IDH1: variants seen among roughly 807,000 people sequenced by gnomAD.
IDH1 encodes isocitrate dehydrogenase (NADP(+)) 1, also known as isocitrate dehydrogenase [NADP] cytoplasmic.
IDH1 carries 33 observed loss-of-function variants against 46.1 expected under a neutral mutation model. That is an observed-to-expected ratio of 0.72 (90% CI 0.54 to 0.96). IDH1 has a LOEUF of 0.96. Ranked by LOEUF, IDH1 falls within the 40% of genes least tolerant of loss-of-function variation. The pLI is 0.00. For missense variants in IDH1, 421 were observed against 515.7 expected (o/e 0.82, Z 1.78); for synonymous variants, 144 against 172.8 (o/e 0.83, Z 1.31).
At chr2:208,240,326 G>A (rs1226313447) in intron 7 of IDH1, 1 of 330,162 alleles carries the variant, frequency 3.0e-6, no homozygotes, top group African/African-American at 2.1e-5. Flanking sequence ...TTTCTTATCT[G>A]TAAAATGGGA....
chr2:208,248,170 C>T, intron 4 of IDH1, 199 bp downstream of exon 4: 1 of 594,194 alleles, frequency 1.7e-6, no homozygotes, highest in Non-Finnish European at 3.0e-6. Flanking sequence ...AGATGGACGC[C>T]TATTTGTAAG....
intron 5 of IDH1, 24 bp downstream of exon 5, chr2:208,245,295 A>G: frequency 8.8e-7 from 1 of 1,133,498 alleles, no homozygotes. Flanking sequence ...AAAAAAAAGA[A>G]GCTTATGCTA....
Position 208,242,091 on chromosome 2 carries a change from G to A in IDH1, c.753C>T (p.Ile251=), listed in dbSNP as rs139287550. ...AQKIWYEHRL[I]DDMVAQAMKS... ...TCATAGCTTGGGCCACCATGTCGTC[G>A]ATGAGCCTATGCTCATACCAGATCT... The change falls in exon 7 of 10, where the codon ATC becomes ATT. Residue 251 remains isoleucine (I), a synonymous_variant. Coordinates refer to ENST00000345146, the MANE Select transcript of IDH1 (RefSeq NM_005896.4). 9.3e-5 allele frequency: 150 copies of A among 1,613,682 alleles called. No homozygotes were observed. The highest frequency in any genetic ancestry group is 5.7e-4 in the Admixed American group (34 of 60,012).
rs1688060309 is a variant in IDH1, at chr2:208,248,353, T to C, written c.414+16A>G. On this transcript the variant is annotated intron_variant, in intron 4 of 9. Transcript: ENST00000345146. ...AAAAAAACATGCAAAATCACATTAT[T>C]GCCAACATGACTTACTTGATCCCCA... 6.2e-7 allele frequency: 1 copy of C among 1,611,816 alleles called. No homozygotes were observed. Among genetic ancestry groups the C allele is most frequent in the East Asian group, 2.2e-5 (1 of 44,884 alleles).
intron 3 of IDH1, 144 bp downstream of exon 3, chr2:208,251,286 G>A: frequency 1.6e-6 from 1 of 627,322 alleles, no homozygotes; most frequent in South Asian, 2.2e-5. Flanking sequence ...GTCTCACTCT[G>A]TTGCCCAGGC....
At chr2:208,251,259 T>C in intron 3 of IDH1, 171 bp downstream of exon 3, 1 of 454,292 alleles carries the variant, frequency 2.2e-6, no homozygotes, top group Non-Finnish European at 3.8e-6. Flanking sequence ...TTTTCCTTTT[T>C]TTTTTAAAGT....
At chr2:208,253,388 T>A (rs1345204556) in intron 2 of IDH1, among the ~76,000 whole-genome samples, 1 of 152,240 alleles carries the variant, frequency 6.6e-6, no homozygotes, top group Non-Finnish European at 1.5e-5. Context: ...TTCTTCTGGA[T>A]CTGATTTCCA....
Position 208,239,140 on chromosome 2 carries a change from A to G in IDH1, c.1085T>C (p.Val362Ala). Reference sequence around the variant, plus strand: ...GCCAGCCTCAATTGTCTCAATAGAGACTTCTTCCAAAGCATTTGCAAAGAA... The same window carrying G: ...GCCAGCCTCAATTGTCTCAATAGAGGCTTCTTCCAAAGCATTTGCAAAGAA... ...LAFFANALEE[V>A]SIETIEAGFM... Residue 362 changes from valine to alanine, a missense_variant, in exon 9 of 10, where the codon GTC becomes GCC. By Grantham distance (64) the Val-to-Ala change is moderately conservative. Transcript: ENST00000345146. The G allele has an allele frequency of 6.2e-7, 1 of 1,613,928 alleles. No homozygotes were observed. Among genetic ancestry groups the G allele is most frequent in the South Asian group, 1.1e-5 (1 of 91,076 alleles).
chr2:208,251,071 AT>A (rs1688113463), intron 3 of IDH1, among the ~76,000 whole-genome samples: 1 of 152,234 alleles, frequency 6.6e-6, no homozygotes, highest in South Asian at 2.1e-4. Flanking sequence ...TGACTTTTAG[AT>A]GATAAATCCA....
At chr2:208,242,828 G>A (rs1225683654) in intron 6 of IDH1, among the ~76,000 whole-genome samples, 2 of 150,870 alleles carry the variant, frequency 1.3e-5, no homozygotes, top group African/African-American at 4.9e-5. Context: ...GCAGTGGCGT[G>A]ATTTCGGCTC....
At chr2:208,244,431 T>G (rs1227404027) in intron 5 of IDH1, among the ~76,000 whole-genome samples, 1 of 152,250 alleles carries the variant, frequency 6.6e-6, no homozygotes, top group East Asian at 1.9e-4. Flanking sequence ...CCTCAGTTAT[T>G]GAGAAAAACT....
At chr2:208,249,992 C>T (rs1370896587) in intron 3 of IDH1, among the ~76,000 whole-genome samples, 1 of 152,180 alleles carries the variant, frequency 6.6e-6, no homozygotes, top group East Asian at 1.9e-4. Flanking sequence ...AAGGAAGGAA[C>T]AAATTGCCCA....
Position 208,243,368 on chromosome 2 carries a change from AT to A in IDH1, c.698+58del. The A allele has an allele frequency of 4.9e-6, 6 of 1,231,716 alleles. 1 individual carries two copies. In the South Asian group the frequency reaches 7.2e-5, roughly 15 times the overall value. 76.3% of individuals were successfully genotyped at this position (1,231,716 alleles called of 1,614,324 possible). A position where few individuals can be genotyped will look rare whatever the true frequency, so the allele number is the denominator to read the frequency against. ...ATAGGGATAGGGAGATACATACTCT[AT>A]ATGCAAATGTCAGCTTACTTGAGAA... is the stretch of plus-strand genomic sequence containing the variant. On this transcript the variant is annotated intron_variant, in intron 6 of 9. Coordinates refer to ENST00000345146, the MANE Select transcript of IDH1 (RefSeq NM_005896.4).
chr2:208,248,206 A>ATG (rs1328344274), intron 4 of IDH1, 163 bp downstream of exon 4: 2 of 641,766 alleles, frequency 3.1e-6, no homozygotes, highest in African/African-American at 1.8e-5. Context: ...CTTTAGCTAA[A>ATG]TGTGTGTAAA....
At chr2:208,240,300 G>T (rs1205319997) in intron 7 of IDH1, 1 of 394,106 alleles carries the variant, frequency 2.5e-6, no homozygotes, top group Non-Finnish European at 4.8e-6. Context: ...TGACTTCATA[G>T]CTACTGCGGC....
rs777599273 is a variant in IDH1, at chr2:208,251,586, T to C, written c.-16-19A>G. ...AATAAACCTAAAAAGAAAAAAAAAA[T>C]ACATGCCTTGTCATTTATTTCATTA... is the stretch of plus-strand genomic sequence containing the variant. On this transcript the variant is annotated intron_variant, in intron 2 of 9. Coordinates refer to ENST00000345146, the MANE Select transcript of IDH1 (RefSeq NM_005896.4). 1.3e-6 allele frequency: 2 copies of C among 1,576,074 alleles called. No individual in the cohort carries two copies. Among genetic ancestry groups the C allele is most frequent in the South Asian group, 1.1e-5 (1 of 89,674 alleles).
rs376485396 is a variant in IDH1, at chr2:208,245,546, C to T, written c.415-122G>A. On this transcript the variant is annotated intron_variant, in intron 4 of 9. Coordinates refer to ENST00000345146, the MANE Select transcript of IDH1 (RefSeq NM_005896.4). ...ACAAATAGGGCAGTATGTCAAACTT[C>T]TTTTTTTTTTTTTTTTTTTAGGAGA... 4.8e-3 allele frequency: 1,600 copies of T among 336,752 alleles called. 2 individuals carry two copies. The highest frequency in any genetic ancestry group is 0.01 in the East Asian group (161 of 15,350). The allele number at this position is 336,752 out of a possible 1,614,324, so 20.9% of individuals were successfully genotyped here. A position where few individuals can be genotyped will look rare whatever the true frequency, so the allele number is the denominator to read the frequency against.
At chr2:208,253,088 C>T (rs1688153143) in intron 2 of IDH1, among the ~76,000 whole-genome samples, 1 of 152,116 alleles carries the variant, frequency 6.6e-6, no homozygotes, top group African/African-American at 2.4e-5. Flanking sequence ...TGGCCATGTC[C>T]CTATATAGTA....
At chr2:208,238,269 T>A in intron 9 of IDH1, among the ~76,000 whole-genome samples, 1 of 152,028 alleles carries the variant, frequency 6.6e-6, no homozygotes. Context: ...TCTCCTGACC[T>A]CGTGATCCAC....
Sources: allele counts gnomAD v4.1 joint callset (sites outside exome capture counted in the v4.1 genomes callset), GRCh38; gene constraint gnomAD v4.1.1; transcripts MANE v1.5; gene names NCBI Gene and HGNC (gene_info 2026-07-23, HGNC 2026-07-21).